Variants in IGSF21 observed in about 807,000 individuals in gnomAD.
The protein encoded by IGSF21 is immunoglobulin superfamily member 21.
In IGSF21, 28 loss-of-function variants were observed where a neutral mutation model predicts 46.8. The ratio of observed to expected loss-of-function variants is 0.60; its 90% CI spans 0.44 to 0.82. IGSF21 has a LOEUF of 0.82. Ranked by LOEUF, IGSF21 falls within the 40% of genes least tolerant of loss-of-function variation. The pLI, the probability that IGSF21 is intolerant of heterozygous loss-of-function variation, is 0.00. For missense variants in IGSF21, 624 were observed against 665.5 expected, an observed-to-expected ratio of 0.94 and a Z score of 0.69; for synonymous variants, 284 against 273.6, an observed-to-expected ratio of 1.04 and a Z score of -0.38.
intron 4 of IGSF21, among the ~76,000 whole-genome samples, chr1:18,339,652 G>A (rs2085808094): frequency 6.6e-6 from 1 of 152,228 alleles, no homozygotes; most frequent in South Asian, 2.1e-4. Flanking sequence ...TTGAGCCTGG[G>A]AGGTAAAGGC....
At chr1:18,242,127 A>G (rs1220877345) in intron 2 of IGSF21, among the ~76,000 whole-genome samples, 2 of 152,226 alleles carry the variant, frequency 1.3e-5, no homozygotes, top group African/African-American at 4.8e-5. Flanking sequence ...TGTCAACGTC[A>G]AATGAGGACT....
intron 3 of IGSF21, among the ~76,000 whole-genome samples, chr1:18,300,609 G>T (rs1245508349): frequency 1.3e-5 from 2 of 152,226 alleles, no homozygotes; most frequent in African/African-American, 4.8e-5. Flanking sequence ...ATAATAGCTG[G>T]CATGTGTGGT....
At chr1:18,182,173 C>CTTTTT (rs35016415) in intron 1 of IGSF21, among the ~76,000 whole-genome samples, 2 of 108,946 alleles carry the variant, frequency 1.8e-5, no homozygotes, top group South Asian at 3.5e-4. Flanking sequence ...TGAAAGGTGT[C>CTTTTT]TTTTTTTTTT....
chr1:18,200,866 G>A (rs1012533233), intron 1 of IGSF21, among the ~76,000 whole-genome samples: 36 of 152,248 alleles, frequency 2.4e-4, no homozygotes, highest in East Asian at 1.9e-4. Flanking sequence ...GATTTATGTC[G>A]TTGATTTTAC....
chr1:18,115,277 AC>A lies in IGSF21; in HGVS notation c.70+7080del, dbSNP rs554093199. The A allele has an allele frequency of 1.1e-4, 17 of 152,434 alleles. No homozygotes were observed. In the East Asian group the frequency reaches 3.3e-3, roughly 30 times the overall value. 9.4% of individuals were successfully genotyped at this position (152,434 alleles called of 1,614,324 possible). On this transcript the variant is annotated intron_variant, in intron 1 of 9. Coordinates refer to ENST00000251296, the MANE Select transcript of IGSF21 (RefSeq NM_032880.5). ...TCCTCCCTCCACAGCCCCCCACCAC[AC>A]ACACACAGACTCAGGTGTGCCCTAA...
intron 3 of IGSF21, among the ~76,000 whole-genome samples, chr1:18,316,202 C>A (rs991658222): frequency 1.3e-5 from 2 of 152,114 alleles, no homozygotes; most frequent in South Asian, 4.1e-4. Flanking sequence ...AGAGCGGTGG[C>A]GGTTAGGTGC....
intron 3 of IGSF21, among the ~76,000 whole-genome samples, chr1:18,316,616 C>T (rs966336071): frequency 1.3e-5 from 2 of 152,184 alleles, no homozygotes; most frequent in Non-Finnish European, 2.9e-5. Flanking sequence ...ATGCCAATTC[C>T]TCCCGGATAA....
At chr1:18,150,393 T>C (rs2124433443) in intron 1 of IGSF21, among the ~76,000 whole-genome samples, 1 of 143,680 alleles carries the variant, frequency 7.0e-6, no homozygotes, top group South Asian at 2.4e-4. Context: ...ACAAGGAGGA[T>C]GGTGCTTGGC....
chr1:18,167,773 G>A (rs904150398), intron 1 of IGSF21: 6 of 152,078 alleles, frequency 3.9e-5, no homozygotes, highest in African/African-American at 1.2e-4. Flanking sequence ...GCTGTACAGG[G>A]GAGAGAAGGG....
At chr1:18,307,619 T>C (rs2085440068) in intron 3 of IGSF21, among the ~76,000 whole-genome samples, 1 of 152,208 alleles carries the variant, frequency 6.6e-6, no homozygotes, top group South Asian at 2.1e-4. Flanking sequence ...ATCGCTGCCC[T>C]GTGAGTGCTC....
rs565707862 is a variant in IGSF21, at chr1:18,189,814, G to A, written c.71-38084G>A. 3.7e-4 allele frequency among the ~76,000 whole-genome samples: 56 copies of A among 152,318 alleles called. 2 individuals carry two copies. The South Asian group carries it at 0.011, about 29-fold the overall frequency. Reference sequence around the variant, plus strand: ...GCTTGCCTGCCATTCGCTTACTGATGTGTGGCCCGTTTCCTAACAGGCCAT... The same window carrying A: ...GCTTGCCTGCCATTCGCTTACTGATATGTGGCCCGTTTCCTAACAGGCCAT... On this transcript the variant is annotated intron_variant, in intron 1 of 9. Coordinates refer to ENST00000251296, the MANE Select transcript of IGSF21 (RefSeq NM_032880.5).
Position 18,376,195 on chromosome 1 carries a change from T to G in IGSF21, c.1016-115T>G, listed in dbSNP as rs887707639. 6 of 772,050 alleles carry G rather than the reference T, an allele frequency of 7.8e-6. 1 individual carries two copies. Among genetic ancestry groups the G allele is most frequent in the Middle Eastern group, 4.6e-4 (2 of 4,344 alleles). 47.8% of individuals were successfully genotyped at this position (772,050 alleles called of 1,614,324 possible). A position where few individuals can be genotyped will look rare whatever the true frequency, so the allele number is the denominator to read the frequency against. ...AATGAATGAATGAGCACACTGAGCT[T>G]CTCACAGAAGCAGCTGATCCCAAGG... On this transcript the variant is annotated intron_variant, in intron 6 of 9. Coordinates refer to ENST00000251296, the MANE Select transcript of IGSF21 (RefSeq NM_032880.5).
Position 18,291,905 on chromosome 1 carries a change from T to G in IGSF21, c.223T>G (p.Phe75Val). Residue 75 changes from phenylalanine to valine, a missense_variant, in exon 3 of 10, where the codon TTC (phenylalanine) becomes GTC (valine). Phe to Val is a conservative substitution (Grantham distance 50). Transcript: ENST00000251296. ...GGTIKQKIFT[F>V]DAMFSTNYSH... ...CACCATCAAGCAAAAGATCTTCACC[T>G]TCGACGCCATGTTCTCCACCAACTA... The G allele has an allele frequency of 6.2e-7, 1 of 1,614,126 alleles. No homozygotes were observed.
At chr1:18,167,157 G>A (rs1365576873) in intron 1 of IGSF21, 1 of 152,448 alleles carries the variant, frequency 6.6e-6, no homozygotes, top group Non-Finnish European at 1.5e-5. Flanking sequence ...GAGCTTTCAG[G>A]GAGCAAGGGC....
chr1:18,369,631 G>A (rs1404847267), intron 6 of IGSF21, among the ~76,000 whole-genome samples: 2 of 152,198 alleles, frequency 1.3e-5, no homozygotes, highest in East Asian at 3.9e-4. Flanking sequence ...CCTGCACTCT[G>A]GGTGAGACAG....
rs76968528 is a variant in IGSF21 at position 18,255,210 on chromosome 1, C to A, written c.183+27200C>A. Among the ~76,000 whole-genome samples, 1,496 of 152,298 alleles carry A rather than the reference C, an allele frequency of 9.8e-3. 13 individuals are homozygous for A. The highest frequency in any genetic ancestry group is 0.016 in the Non-Finnish European group (1,092 of 68,014). On this transcript the variant is annotated intron_variant, in intron 2 of 9. Coordinates refer to ENST00000251296, the MANE Select transcript of IGSF21 (RefSeq NM_032880.5). ...TGAGGCTTGGAGGAGGGGGCTAAGC[C>A]TGCCTCAAGAGCATGGCAATCTAAA...
chr1:18,207,202 A>G (rs2084337810), intron 1 of IGSF21, among the ~76,000 whole-genome samples: 1 of 152,160 alleles, frequency 6.6e-6, no homozygotes, highest in African/African-American at 2.4e-5. Context: ...TGTTGAATCC[A>G]TCTTGGACTT....
intron 1 of IGSF21, among the ~76,000 whole-genome samples, chr1:18,130,784 C>G (rs1237765720): frequency 2.0e-5 from 3 of 152,244 alleles, no homozygotes; most frequent in African/African-American, 7.2e-5. Context: ...TGACTCCAGA[C>G]CGCTTGTGGA....
At chr1:18,194,802 C>T (rs1215510322) in intron 1 of IGSF21, among the ~76,000 whole-genome samples, 1 of 152,206 alleles carries the variant, frequency 6.6e-6, no homozygotes, top group African/African-American at 2.4e-5. Context: ...GATAATGTCA[C>T]CCTCTGTTCT....
Sources: gnomAD v4.1 joint callset for allele counts (sites outside exome capture counted in the v4.1 genomes callset) on GRCh38, gnomAD v4.1.1 for gene constraint, MANE v1.5 for transcripts, NCBI Gene and HGNC (gene_info 2026-07-23, HGNC 2026-07-21) for gene names.